Variants in RAPGEF1 observed in about 807,000 individuals in gnomAD.
RAPGEF1 encodes CRK SH3-binding GNRP.
RAPGEF1 carries 33 observed loss-of-function variants against 143.3 expected under a neutral mutation model. The ratio of observed to expected loss-of-function variants is 0.23; its 90% confidence interval spans 0.17 to 0.31. The LOEUF (loss-of-function observed/expected upper bound fraction) is 0.31, where lower values mean the gene tolerates loss of function less well. RAPGEF1 is among the 10% of genes least tolerant of loss of function. RAPGEF1 has a pLI of 1.00. For missense variants in RAPGEF1, 1,199 were observed against 1,645.4 expected (o/e 0.73, Z 4.69); for synonymous variants, 629 against 676.5 (o/e 0.93, Z 1.09).
chr9:131,648,592 AGAG>A (rs1224425491), intron 3 of RAPGEF1, among the ~76,000 whole-genome samples: 1 of 152,210 alleles, frequency 6.6e-6, no homozygotes, highest in Non-Finnish European at 1.5e-5. Flanking sequence ...TTCGGCTACA[AGAG>A]GTTACTAAAC....
Position 131,626,138 on chromosome 9 carries a change from C to T in RAPGEF1, c.1486G>A (p.Glu496Lys), listed in dbSNP as rs766359073. ...TTGTCATACTGCGAGGGATGCCGCT[C>T]GTAGGACACCCTGCAGCCAGAGCCG... is the stretch of plus-strand genomic sequence containing the variant. ...ADGSGCRVSY[E>K]RHPSQYDNIS... is the part of the protein sequence containing the mutation. Residue 496 changes from glutamate (E) to lysine (K), a missense_variant, in exon 10 of 27, where the codon GAG becomes AAG. This residue lies in a region of RAPGEF1 where 613 missense variants were observed against 710.9 expected (regional missense o/e 0.86). Coordinates refer to ENST00000683357, the MANE Select transcript of RAPGEF1 (RefSeq NM_001377935.1). 1.9e-6 allele frequency: 3 copies of T among 1,613,844 alleles called. No individual in the cohort carries two copies. The highest frequency in any genetic ancestry group is 2.2e-5 in the East Asian group (1 of 44,852).
At chr9:131,732,485 T>C (rs962332517) in intron 1 of RAPGEF1, among the ~76,000 whole-genome samples, 2 of 152,134 alleles carry the variant, frequency 1.3e-5, no homozygotes, top group East Asian at 3.8e-4. Flanking sequence ...TCAAAGAACG[T>C]GCACTGACCA....
intron 4 of RAPGEF1, among the ~76,000 whole-genome samples, chr9:131,639,945 G>A (rs916713037): frequency 6.6e-5 from 10 of 152,162 alleles, no homozygotes; most frequent in African/African-American, 2.4e-4. Context: ...TTAGCCAGGC[G>A]TTCCACTCTG....
At chr9:131,653,526 T>C (rs555923057) in intron 1 of RAPGEF1, among the ~76,000 whole-genome samples, 2 of 152,280 alleles carry the variant, frequency 1.3e-5, no homozygotes, top group South Asian at 4.1e-4. Context: ...CCAAAGAAGA[T>C]ACACAAATTG....
At chr9:131,682,331 C>T (rs969555116) in intron 1 of RAPGEF1, among the ~76,000 whole-genome samples, 40 of 152,316 alleles carry the variant, frequency 2.6e-4, no homozygotes, top group African/African-American at 7.9e-4. Context: ...ATGAGGGGCC[C>T]GTCCCGGGCC....
In RAPGEF1 at chr9:131,650,754, A is replaced by G; in HGVS notation, c.201+56T>C. On this transcript the variant is annotated intron_variant, in intron 2 of 26. Coordinates refer to ENST00000683357, the MANE Select transcript of RAPGEF1 (RefSeq NM_001377935.1). This position sits in a 1 kb window ranked among gnomAD's most constrained non-coding sequence, Gnocchi z 4.7. ...CAGGGAGGGAACATACAAATCGCAC[A>G]AACTCATATTGCTGGAAGCAGGTGA... 6 of 1,592,466 alleles carry G rather than the reference A, an allele frequency of 3.8e-6. No homozygotes were observed. In the South Asian group the frequency reaches 5.7e-5, roughly 15 times the overall value.
intron 1 of RAPGEF1, among the ~76,000 whole-genome samples, chr9:131,696,231 G>A (rs537146677): frequency 5.3e-5 from 8 of 152,302 alleles, no homozygotes; most frequent in African/African-American, 1.7e-4. Context: ...AGAGAGGGAG[G>A]GGATGACACC....
intron 16 of RAPGEF1, among the ~76,000 whole-genome samples, chr9:131,597,074 G>T (rs1284932242): frequency 6.6e-6 from 1 of 152,208 alleles, no homozygotes; most frequent in Admixed American, 6.5e-5. Context: ...TGTGACTAGG[G>T]CCAGGAACAG....
chr9:131,630,334 C>T lies in RAPGEF1; in HGVS notation c.652-10G>A, dbSNP rs1375410736. The T allele has an allele frequency of 2.5e-6, 4 of 1,612,518 alleles. No individual in the cohort carries two copies. The highest frequency in any genetic ancestry group is 1.7e-5 in the Admixed American group (1 of 59,888). ...TGAGCCTGACCAGCTCCTACCCCCA[C>T]AAGAAAAAGGCAATGAGCAAAGCTC... is the stretch of plus-strand genomic sequence containing the variant. On this transcript the variant is annotated splice_polypyrimidine_tract_variant and intron_variant, in intron 5 of 26. Coordinates refer to ENST00000683357, the MANE Select transcript of RAPGEF1 (RefSeq NM_001377935.1).
At chr9:131,690,862 T>A (rs1833737408) in intron 1 of RAPGEF1, among the ~76,000 whole-genome samples, 1 of 152,236 alleles carries the variant, frequency 6.6e-6, no homozygotes, top group Non-Finnish European at 1.5e-5. Context: ...CACGAGGTTA[T>A]CAAGGTCATT....
intron 1 of RAPGEF1, chr9:131,725,283 T>C (rs1196716391): frequency 1.3e-5 from 2 of 152,240 alleles, no homozygotes; most frequent in Admixed American, 1.3e-4. Flanking sequence ...CTGTGCCAGT[T>C]CACCCCTTGT....
At chr9:131,594,490 C>A (rs903049908) in intron 17 of RAPGEF1, among the ~76,000 whole-genome samples, 1 of 152,178 alleles carries the variant, frequency 6.6e-6, no homozygotes, top group Admixed American at 6.5e-5. Flanking sequence ...CCTCTCCCTG[C>A]CAAGCCCTGC....
rs188937073 is a variant in RAPGEF1 at position 131,621,886 on chromosome 9, C to T, written c.1815G>A (p.Glu605=). The part of the protein sequence containing the change: ...IYQQKNKLLM[E]VYGFSDSFSG... Reference sequence around the variant, plus strand: ...TGAAGGAGTCGCTGAAGCCGTATACCTCCATGAGGAGCTTGTTCTTCTGCT... The same window carrying T: ...TGAAGGAGTCGCTGAAGCCGTATACTTCCATGAGGAGCTTGTTCTTCTGCT... Residue 605 remains glutamate (E), a synonymous_variant, in exon 11 of 27, where the codon GAG becomes GAA. Transcript: ENST00000683357. The surrounding 1 kb of genome is among the most constrained non-coding windows in gnomAD (Gnocchi z 4.5). The T allele has an allele frequency of 3.2e-5, 52 of 1,613,484 alleles. No homozygotes were observed. In the Middle Eastern group the frequency reaches 2.1e-3, roughly 67 times the overall value.
At chr9:131,622,316 C>T (rs10121026) in intron 10 of RAPGEF1, among the ~76,000 whole-genome samples, 13,352 of 152,162 alleles carry the variant, frequency 0.088, 727 homozygotes, top group East Asian at 0.25. Context: ...ACTTTCCCCT[C>T]GAGGCATGTC....
chr9:131,660,782 C>G (rs1224120795), intron 1 of RAPGEF1, among the ~76,000 whole-genome samples: 1 of 152,258 alleles, frequency 6.6e-6, no homozygotes, highest in East Asian at 1.9e-4. Flanking sequence ...AGGAGGGATT[C>G]TGGGCCCTGG....
At chr9:131,585,362 A>AGCC (rs10657349) in intron 22 of RAPGEF1, among the ~76,000 whole-genome samples, 1 of 146,258 alleles carries the variant, frequency 6.8e-6, no homozygotes, top group Non-Finnish European at 1.5e-5. Context: ...AATTTTTTGT[A>AGCC]GGGGGGGGGC....
At position 131,609,663 on chromosome 9, in the gene RAPGEF1, C is replaced by A. The variant is rs1258708747; in HGVS notation, c.2062-4475G>T. Among the ~76,000 whole-genome samples, 6 of 152,284 alleles carry A rather than the reference C, an allele frequency of 3.9e-5. No homozygotes were observed. The East Asian group carries it at 7.7e-4, about 20-fold the overall frequency. ...ACACACCCCTGAAAGCCACTGGGCC[C>A]CGGAGTCGAAACGATGCTGGAGGCT... On this transcript the variant is annotated intron_variant, in intron 12 of 26. Coordinates refer to ENST00000683357, the MANE Select transcript of RAPGEF1 (RefSeq NM_001377935.1).
intron 1 of RAPGEF1, among the ~76,000 whole-genome samples, chr9:131,729,781 T>TCA (rs1183591507): frequency 6.6e-6 from 1 of 152,146 alleles, no homozygotes; most frequent in Non-Finnish European, 1.5e-5. Context: ...ATTAATTAAA[T>TCA]CACACACACA....
At chr9:131,734,487 A>T (rs1837291347) in intron 1 of RAPGEF1, among the ~76,000 whole-genome samples, 1 of 152,226 alleles carries the variant, frequency 6.6e-6, no homozygotes, top group South Asian at 2.1e-4. Flanking sequence ...ACGAGGCATC[A>T]CTTGGTGTTT....
Sources: gnomAD v4.1 joint callset for allele counts (sites outside exome capture counted in the v4.1 genomes callset) on GRCh38, gnomAD v4.1.1 for gene constraint, gnomAD v4.1.1 regional missense constraint, Gnocchi (gnomAD v3.1) non-coding constraint, MANE v1.5 for transcripts, NCBI Gene and HGNC (gene_info 2026-07-23, HGNC 2026-07-21) for gene names.